Variants in SV2A observed in about 807,000 individuals in gnomAD.
The protein encoded by SV2A is solute carrier family 22 member B1.
Under a neutral mutation model 78.0 loss-of-function variants are expected in SV2A, and 25 were observed. The observed-to-expected ratio is 0.32, with a 90% CI of 0.23 to 0.45. The LOEUF is 0.45. Among genes scored for constraint, SV2A ranks in the 20% least tolerant of loss-of-function variants. SV2A has a pLI of 1.00. For missense variants in SV2A, 752 were observed against 971.5 expected, an observed-to-expected ratio of 0.77 and a Z score of 3.00; for synonymous variants, 355 against 384.7, an observed-to-expected ratio of 0.92 and a Z score of 0.90.
chr1:149,910,434 G>A lies in SV2A; in HGVS notation c.1089+136C>T, dbSNP rs2092468212. The A allele has an allele frequency of 7.9e-7, 1 of 1,267,854 alleles. No individual in the cohort carries two copies. The highest frequency in any genetic ancestry group is 1.5e-5 in the African/African-American group (1 of 66,532). The allele number at this position is 1,267,854 out of a possible 1,614,324, so 78.5% of individuals were successfully genotyped here. A position where few individuals can be genotyped will look rare whatever the true frequency, so the allele number is the denominator to read the frequency against. On this transcript the variant is annotated intron_variant, in intron 5 of 12. Coordinates refer to ENST00000369146, the MANE Select transcript of SV2A (RefSeq NM_014849.5). The surrounding 1 kb of genome is among the most constrained non-coding windows in gnomAD (Gnocchi z 4.2). ...TGCAAGATAAAGTCCCCTGGAGAGT[G>A]GACTCTGTGAGGAAGGCAGGCAGTC...
intron 9 of SV2A, 50 bp from the exon 10 acceptor site, chr1:149,907,883 C>A: frequency 6.3e-7 from 1 of 1,597,742 alleles, no homozygotes; most frequent in South Asian, 1.1e-5. Context: ...CTCATGCCCC[C>A]TCCAAGACTC....
At chr1:149,908,638 ACTT>A (rs2092454515) in intron 8 of SV2A, among the ~76,000 whole-genome samples, 1 of 144,074 alleles carries the variant, frequency 6.9e-6, no homozygotes, top group African/African-American at 2.6e-5. Flanking sequence ...GTTTCGTCTC[ACTT>A]CTTTTTTTTC....
chr1:149,908,105 T>A lies in SV2A; in HGVS notation c.1481A>T (p.His494Leu). ...CTCCAACGTGAAGTTAAAAGTTACA[T>A]GCTCTACGCGCTCCCCGGGGAACAC... is the stretch of plus-strand genomic sequence containing the variant. ...TKVFPGERVE[H>L]VTFNFTLENQ... Residue 494 changes from histidine to leucine, a missense_variant, in exon 9 of 13, where the codon CAT (histidine) becomes CTT (leucine). Physicochemically the swap from His to Leu is moderately conservative, Grantham distance 99. Transcript: ENST00000369146. The A allele has an allele frequency of 6.2e-7, 1 of 1,614,188 alleles. No homozygotes were observed. The highest frequency in any genetic ancestry group is 8.5e-7 in the Non-Finnish European group (1 of 1,180,032).
Position 149,907,993 on chromosome 1 carries a change from C to T in SV2A, c.1544+49G>A, listed in dbSNP as rs6696662. 8,490 of 1,596,836 alleles carry T rather than the reference C, an allele frequency of 5.3e-3. 375 individuals are homozygous for T. The African/African-American group carries it at 0.096, about 18-fold the overall frequency. On this transcript the variant is annotated intron_variant, in intron 9 of 12. Transcript: ENST00000369146. ...TGAACCCCTAGACTCATAAAAGAGA[C>T]GAGGTAGAAGGAACAGGGAAGAAGT... is the stretch of plus-strand genomic sequence containing the variant.
At chr1:149,905,269 G>A (rs2092429888) in intron 12 of SV2A, 72 bp from the exon 13 acceptor site, 3 of 1,422,654 alleles carry the variant, frequency 2.1e-6, no homozygotes, top group Admixed American at 2.1e-5. Flanking sequence ...GGAGGGCAGG[G>A]AAGTGAAGTC....
Position 149,909,789 on chromosome 1 carries a change from G to T in SV2A, c.1179+12C>A. 6.2e-7 allele frequency: 1 copy of T among 1,613,234 alleles called. No homozygotes were observed. The highest frequency in any genetic ancestry group is 8.5e-7 in the Non-Finnish European group (1 of 1,179,898). The stretch of plus-strand genomic sequence containing the variant: ...GGGCGTGGAGGTCTGAGTCGGGAGG[G>T]CTGTGGCTTACTGAGAACACTCGCT... On this transcript the variant is annotated intron_variant, in intron 6 of 12. Coordinates refer to ENST00000369146, the MANE Select transcript of SV2A (RefSeq NM_014849.5).
At chr1:149,917,036 G>T (rs1039536519) in intron 1 of SV2A, among the ~76,000 whole-genome samples, 2 of 151,732 alleles carry the variant, frequency 1.3e-5, no homozygotes, top group East Asian at 1.9e-4. Flanking sequence ...TCTTGCCTCA[G>T]CTCCGGAATA....
chr1:149,904,912 GGAGT>G lies in SV2A; in HGVS notation c.*98_*101del. On this transcript the variant is annotated 3_prime_UTR_variant, in exon 13 of 13. Coordinates refer to ENST00000369146, the MANE Select transcript of SV2A (RefSeq NM_014849.5). ...CTAAGACACCAAACACGGGGAGTGG[GGAGT>G]GAGGGCTCTGGAGGTCAGGATGGCA... is the stretch of plus-strand genomic sequence containing the variant. 7.7e-7 allele frequency: 1 copy of G among 1,291,630 alleles called. No individual in the cohort carries two copies. The allele number at this position is 1,291,630 out of a possible 1,614,324, so 80.0% of individuals were successfully genotyped here. A position where few individuals can be genotyped will look rare whatever the true frequency, so the allele number is the denominator to read the frequency against.
In SV2A at chr1:149,910,553, C is replaced by T. The variant is rs782512368; in HGVS notation, c.1089+17G>A. ...AGCCCGCACCCCACCCCACCCCATG[C>T]AGCTCAGCCCCATCACCTCTAGGAA... is the stretch of plus-strand genomic sequence containing the variant. On this transcript the variant is annotated intron_variant, in intron 5 of 12. Transcript: ENST00000369146. This position sits in a 1 kb window ranked among gnomAD's most constrained non-coding sequence, Gnocchi z 4.2. 12 of 1,591,320 alleles carry T rather than the reference C, an allele frequency of 7.5e-6. No individual in the cohort carries two copies. The highest frequency in any genetic ancestry group is 1.0e-5 in the Non-Finnish European group (12 of 1,169,720).
In SV2A at chr1:149,905,874, A is replaced by G; in HGVS notation, c.2045+6T>C. On this transcript the variant is annotated splice_donor_region_variant and intron_variant, in intron 12 of 12. Coordinates refer to ENST00000369146, the MANE Select transcript of SV2A (RefSeq NM_014849.5). ...CACTGCCCTGCCTCCAACACATTCC[A>G]ACTACCTCTTGTCTGAGGGGTAGAG... is the stretch of plus-strand genomic sequence containing the variant. The G allele has an allele frequency of 6.2e-7, 1 of 1,613,688 alleles. No individual in the cohort carries two copies. Among genetic ancestry groups the G allele is most frequent in the Non-Finnish European group, 8.5e-7 (1 of 1,179,868 alleles).
chr1:149,909,547 G>A lies in SV2A; in HGVS notation c.1204C>T (p.Gln402Ter). Residue 402 changes from glutamine (Q) to a stop codon, truncating the protein, a stop_gained, in exon 7 of 13, where the codon CAG (glutamine) becomes TAG (stop). Coordinates refer to ENST00000369146, the MANE Select transcript of SV2A (RefSeq NM_014849.5). LOFTEE classifies it high-confidence loss of function. The stretch of plus-strand genomic sequence containing the variant: ...TGGATCTCAATCAATTCATCCTCCT[G>A]ATGAATCGTCTTAATGTGGGTTACC... ...FSVTHIKTIHQEDELIEIQSD... is the reference protein window; with the variant it reads ...FSVTHIKTIH 6.2e-7 allele frequency: 1 copy of A among 1,614,134 alleles called. No homozygotes were observed. Among genetic ancestry groups the A allele is most frequent in the Non-Finnish European group, 8.5e-7 (1 of 1,180,008 alleles).
chr1:149,908,872 A>T (rs1424406350), intron 8 of SV2A, among the ~76,000 whole-genome samples: 1 of 151,966 alleles, frequency 6.6e-6, no homozygotes, highest in East Asian at 1.9e-4. Context: ...TAACCTCATG[A>T]TCCGCCCGCC....
At position 149,909,257 on chromosome 1, in the gene SV2A, A is replaced by G. The variant is rs979508889; in HGVS notation, c.1314T>C (p.Cys438=). ...GGQVWGNFLS[C]FGPEYRRITL... ...TGATGCGCCGATATTCGGGACCAAA[A>G]CAGGAGAGAAAATTCCCCCAAACCT... is the stretch of plus-strand genomic sequence containing the variant. The change falls in exon 8 of 13, where the codon TGT becomes TGC. Residue 438 remains cysteine (C), a synonymous_variant. Coordinates refer to ENST00000369146, the MANE Select transcript of SV2A (RefSeq NM_014849.5). 1.9e-5 allele frequency: 31 copies of G among 1,613,904 alleles called. No individual in the cohort carries two copies. The African/African-American group carries it at 4.0e-4, about 21-fold the overall frequency.
Position 149,911,980 on chromosome 1 carries a change from C to T in SV2A, c.623G>A (p.Gly208Asp). 1.2e-6 allele frequency: 2 copies of T among 1,612,724 alleles called. No homozygotes were observed. Among genetic ancestry groups the T allele is most frequent in the Non-Finnish European group, 1.7e-6 (2 of 1,179,218 alleles). Residue 208 changes from glycine to aspartate, a missense_variant and splice_region_variant, in exon 3 of 13, where the codon GGC becomes GAC. Gly to Asp is a moderately conservative substitution (Grantham distance 94). This residue lies in a region of SV2A where 291 missense variants were observed against 359.5 expected (regional missense o/e 0.81). Transcript: ENST00000369146. Reference sequence around the variant, plus strand: ...CATCATGCCCAGGTAGACGATGAGGCCTGGAAGGAGGAGGAAAACAGGCAG... The same window carrying T: ...CATCATGCCCAGGTAGACGATGAGGTCTGGAAGGAGGAGGAAAACAGGCAG... ...CLSDSNKGML[G>D]LIVYLGMMVG...
At chr1:149,905,416 C>T in intron 12 of SV2A, 1 of 471,578 alleles carries the variant, frequency 2.1e-6, no homozygotes, top group Non-Finnish European at 3.7e-6. Flanking sequence ...ACAGTTAAGA[C>T]TTTGAGGAGT....
rs1475306128 is a variant in SV2A, at chr1:149,903,357, C to A, written c.*1657G>T. The A allele has an allele frequency of 6.6e-6, 1 of 152,180 alleles. No individual in the cohort carries two copies. The highest frequency in any genetic ancestry group is 1.5e-5 in the Non-Finnish European group (1 of 68,048). The allele number at this position is 152,180 out of a possible 1,614,324, so 9.4% of individuals were successfully genotyped here. ...GATTTGTTTCCGTTTTATTTTTCGT[C>A]AATATTTTTCACTGCATTTTTCACA... On this transcript the variant is annotated 3_prime_UTR_variant, in exon 13 of 13. Transcript: ENST00000369146.
Position 149,913,525 on chromosome 1 carries a change from A to T in SV2A, c.316T>A (p.Ser106Thr). Residue 106 changes from serine to threonine, a missense_variant, in exon 2 of 13, where the codon TCT (serine) becomes ACT (threonine). Transcript: ENST00000369146. ...GEYQGIPRAE[S>T]GGKGERMADG... Reference sequence around the variant, plus strand: ...GCCATCCGCTCGCCTTTGCCCCCAGACTCTGCCCGGGGAATGCCCTGATAT... The same window carrying T: ...GCCATCCGCTCGCCTTTGCCCCCAGTCTCTGCCCGGGGAATGCCCTGATAT... 1 of 1,607,528 alleles carries T rather than the reference A, an allele frequency of 6.2e-7. No homozygotes were observed. Among genetic ancestry groups the T allele is most frequent in the Non-Finnish European group, 8.5e-7 (1 of 1,178,410 alleles).
chr1:149,909,846 A>G lies in SV2A; in HGVS notation c.1134T>C (p.His378=), dbSNP rs141726737. 64 of 1,614,084 alleles carry G rather than the reference A, an allele frequency of 4.0e-5. No homozygotes were observed. In the African/African-American group the frequency reaches 6.4e-4, roughly 16 times the overall value. Residue 378 remains histidine (H), a synonymous_variant, in exon 6 of 13, where the codon CAT becomes CAC. Transcript: ENST00000369146. The stretch of plus-strand genomic sequence containing the variant: ...GTCCTTTGGCTCGCATGTTGGTATC[A>G]TGGACCTGCTTCAGCACCATCCAGG... ...DEAWMVLKQV[H]DTNMRAKGHP... is the part of the protein sequence containing the mutation.
intron 12 of SV2A, 49 bp from the exon 13 acceptor site, chr1:149,905,246 G>A (rs2092429651): frequency 1.3e-6 from 2 of 1,539,562 alleles, no homozygotes; most frequent in African/African-American, 1.4e-5. Context: ...CAGGAGGGAG[G>A]CAAAGGAAGA....
Sources: allele counts gnomAD v4.1 joint callset (sites outside exome capture counted in the v4.1 genomes callset), GRCh38; gene constraint gnomAD v4.1.1; regional missense constraint gnomAD v4.1.1; non-coding constraint Gnocchi (gnomAD v3.1); transcripts MANE v1.5; gene names NCBI Gene and HGNC (gene_info 2026-07-23, HGNC 2026-07-21).